Variants in AVEN observed in about 807,000 individuals in gnomAD.
AVEN encodes apoptosis and caspase activation inhibitor.
Under a neutral mutation model 38.1 loss-of-function variants are expected in AVEN, and 41 were observed. That is an observed-to-expected ratio of 1.08 (90% CI 0.84 to 1.40). The LOEUF is 1.40. Among genes scored for constraint, AVEN ranks in the 40% most tolerant of loss-of-function variants. The pLI is 0.00. For synonymous variants in AVEN, 206 were observed against 171.8 expected, an observed-to-expected ratio of 1.20 and a Z score of -1.56; for missense variants, 605 against 438.8, an observed-to-expected ratio of 1.38 and a Z score of -3.38.
chr15:34,018,871 T>TA (rs33970144), intron 1 of AVEN, among the ~76,000 whole-genome samples: 95,128 of 147,034 alleles, frequency 0.65, 34,816 homozygotes, highest in Non-Finnish European at 0.82. Context: ...TCAGTGCATT[T>TA]ATAATCCTTT....
rs1169183971 is a variant in AVEN at position 34,008,257 on chromosome 15, C to A, written c.268-5048G>T. ...GCAACATAGCAAGACCCTATCTCCA[C>A]GAAAAAGATAAAAATTAGCCAGGTA... On this transcript the variant is annotated intron_variant, in intron 1 of 5. Transcript: ENST00000306730. Among the ~76,000 whole-genome samples, 8 of 151,690 alleles carry A rather than the reference C, an allele frequency of 5.3e-5. No homozygotes were observed. In the East Asian group the frequency reaches 1.4e-3, roughly 26 times the overall value.
chr15:33,858,020 G>GAGTT (rs1382913436), downstream of AVEN: 5 of 1,429,534 alleles, frequency 3.5e-6, no homozygotes, highest in Non-Finnish European at 4.7e-6. Flanking sequence ...GAGAACTGTA[G>GAGTT]AGTTAGTTAC....
chr15:33,871,971 G>C (rs935427944), intron 3 of AVEN, among the ~76,000 whole-genome samples: 3 of 152,212 alleles, frequency 2.0e-5, no homozygotes, highest in East Asian at 1.9e-4. Context: ...ATGTTTTAAA[G>C]TATTCGGTGC....
chr15:34,011,861 C>G (rs1428032103), intron 1 of AVEN, among the ~76,000 whole-genome samples: 1 of 152,174 alleles, frequency 6.6e-6, no homozygotes, highest in African/African-American at 2.4e-5. Context: ...AAGTCAAGAC[C>G]TTGCGAGTTC....
chr15:33,855,024 T>C (rs1353689041), downstream of AVEN: 2 of 1,147,150 alleles, frequency 1.7e-6, no homozygotes, highest in African/African-American at 1.6e-5. Context: ...GTATATAATG[T>C]ACTTTTCTTG....
intron 2 of AVEN, among the ~76,000 whole-genome samples, chr15:33,886,895 C>T (rs538632518): frequency 5.3e-4 from 81 of 152,186 alleles, no homozygotes; most frequent in Non-Finnish European, 1.1e-3. Flanking sequence ...CTTCTTGCCA[C>T]AGTCCAATAT....
intron 2 of AVEN, among the ~76,000 whole-genome samples, chr15:33,923,628 T>C (rs915824159): frequency 1.3e-5 from 2 of 152,140 alleles, no homozygotes; most frequent in African/African-American, 2.4e-5. Context: ...AAACTTTATT[T>C]ATAAAAGTTG....
upstream of AVEN, among the ~76,000 whole-genome samples, chr15:34,041,881 T>A (rs1051724641): frequency 6.6e-6 from 1 of 152,216 alleles, no homozygotes; most frequent in Non-Finnish European, 1.5e-5. Context: ...CCAGAATCCA[T>A]GCCTGTAAGT....
chr15:33,875,637 G>A (rs1232849064), intron 3 of AVEN, among the ~76,000 whole-genome samples: 1 of 152,120 alleles, frequency 6.6e-6, no homozygotes, highest in Non-Finnish European at 1.5e-5. Flanking sequence ...AGACCAAATG[G>A]CAAAGTAATC....
chr15:33,873,736 G>A (rs1410380857), intron 3 of AVEN, among the ~76,000 whole-genome samples: 6 of 151,980 alleles, frequency 3.9e-5, no homozygotes, highest in Non-Finnish European at 5.9e-5. Context: ...CCTCCAACTC[G>A]AACTGTTCAA....
intron 2 of AVEN, among the ~76,000 whole-genome samples, chr15:33,925,013 T>C (rs892687625): frequency 6.6e-6 from 1 of 152,250 alleles, no homozygotes; most frequent in Non-Finnish European, 1.5e-5. Context: ...AACAACCTTA[T>C]GTTACCAAAT....
downstream of AVEN, chr15:33,865,544 G>A: frequency 3.7e-6 from 1 of 270,712 alleles, no homozygotes. Flanking sequence ...GAAGGAAAGG[G>A]CTAGAGAAGT....
chr15:33,938,550 G>C (rs1228034497), intron 2 of AVEN, among the ~76,000 whole-genome samples: 2 of 152,142 alleles, frequency 1.3e-5, no homozygotes, highest in Non-Finnish European at 2.9e-5. Flanking sequence ...TTGACTGGGA[G>C]AAAAATATTT....
At chr15:33,866,885 G>A (rs548995629) in intron 5 of AVEN, among the ~76,000 whole-genome samples, 157 bp from the exon 6 acceptor site, 2 of 152,212 alleles carry the variant, frequency 1.3e-5, no homozygotes, top group African/African-American at 4.8e-5. Context: ...ATAAAGCTGG[G>A]TAGAGGATTT....
downstream of AVEN, chr15:33,853,798 G>C (rs1392004245): frequency 7.3e-7 from 1 of 1,365,174 alleles, no homozygotes; most frequent in Admixed American, 2.5e-5. Context: ...TCTGGCTTAG[G>C]TGTTTCTTCT....
chr15:33,855,204 C>CTTT (rs201635608), downstream of AVEN, among the ~76,000 whole-genome samples: 4,735 of 147,480 alleles, frequency 0.032, 137 homozygotes, highest in Non-Finnish European at 0.039. Flanking sequence ...CCTTGGAGAT[C>CTTT]TTTTTTTTTT....
At chr15:33,854,736 G>A, downstream of AVEN, 1 of 1,582,240 alleles carries the variant, frequency 6.3e-7, no homozygotes, top group East Asian at 2.2e-5. Flanking sequence ...AGGCAAACAT[G>A]CTTAAAAGTC....
At chr15:33,970,984 C>G (rs961019338) in intron 2 of AVEN, among the ~76,000 whole-genome samples, 4 of 151,876 alleles carry the variant, frequency 2.6e-5, no homozygotes, top group Non-Finnish European at 5.9e-5. Context: ...ATAACCCATT[C>G]AGAAAAGTGA....
chr15:33,995,245 C>T (rs2140587815), intron 2 of AVEN, among the ~76,000 whole-genome samples: 2 of 152,162 alleles, frequency 1.3e-5, no homozygotes, highest in South Asian at 4.2e-4. Flanking sequence ...GCCTGGGTGA[C>T]AGAGGAAAAC....
Sources: gnomAD v4.1 joint callset for allele counts (sites outside exome capture counted in the v4.1 genomes callset) on GRCh38, gnomAD v4.1.1 for gene constraint, MANE v1.5 for transcripts, NCBI Gene and HGNC (gene_info 2026-07-23, HGNC 2026-07-21) for gene names.